SMARCC1: variants seen among roughly 807,000 people sequenced by gnomAD.
SMARCC1 encodes the protein SWI/SNF complex subunit SMARCC1.
Under a neutral mutation model 147.4 loss-of-function variants are expected in SMARCC1, and 43 were observed. The ratio of observed to expected loss-of-function variants is 0.29; its 90% confidence interval spans 0.23 to 0.38. SMARCC1 has a LOEUF of 0.38. SMARCC1 is among the 10% of genes least tolerant of loss of function. The pLI is 1.00. For missense variants in SMARCC1, 1,119 were observed against 1,381.1 expected, an observed-to-expected ratio of 0.81 and a Z score of 3.01; for synonymous variants, 495 against 484.4, an observed-to-expected ratio of 1.02 and a Z score of -0.29.
At chr3:47,612,346 T>G (rs2032575705) in intron 25 of SMARCC1, among the ~76,000 whole-genome samples, 1 of 152,182 alleles carries the variant, frequency 6.6e-6, no homozygotes, top group African/African-American at 2.4e-5. Context: ...CTCTTATCTG[T>G]TTTTGTTGAG....
At position 47,673,397 on chromosome 3, in the gene SMARCC1, G is replaced by GA. The variant is rs1275672994; in HGVS notation, c.1839+2077_1839+2078insT. 6.7e-4 allele frequency among the ~76,000 whole-genome samples: 88 copies of GA among 131,570 alleles called. 18 individuals carry two copies. The highest frequency in any genetic ancestry group is 1.2e-3 in the Non-Finnish European group (71 of 60,810). The allele number at this position is 131,570 out of a possible 152,430, so 86.3% of individuals were successfully genotyped here. A position where few individuals can be genotyped will look rare whatever the true frequency, so the allele number is the denominator to read the frequency against. On this transcript the variant is annotated intron_variant, in intron 18 of 27. Transcript: ENST00000254480. ...CGAGACTCTGTCTCAAAAAAAAAAG[G>GA]GTGGGGGGGGGGCAGGCCAGTGGCT...
At chr3:47,715,640 C>T (rs1389044182) in intron 7 of SMARCC1, among the ~76,000 whole-genome samples, 1 of 152,204 alleles carries the variant, frequency 6.6e-6, no homozygotes, top group Non-Finnish European at 1.5e-5. Context: ...CATCACTCTA[C>T]TGATCCAACA....
intron 18 of SMARCC1, among the ~76,000 whole-genome samples, chr3:47,675,208 T>G: frequency 6.6e-6 from 1 of 152,222 alleles, no homozygotes; most frequent in East Asian, 1.9e-4. Flanking sequence ...TCAAATAATT[T>G]CAAGTATACT....
chr3:47,590,618 G>C (rs762214886), intron 27 of SMARCC1, 43 bp downstream of exon 27: 3 of 1,464,722 alleles, frequency 2.0e-6, no homozygotes, highest in South Asian at 1.5e-5. Flanking sequence ...CAGCCCTCCA[G>C]AACGGACCCT....
chr3:47,680,295 T>C, intron 15 of SMARCC1, 142 bp downstream of exon 15: 1 of 680,994 alleles, frequency 1.5e-6, no homozygotes, highest in Non-Finnish European at 2.6e-6. Flanking sequence ...CATGGAATGC[T>C]ATGCAAATGA....
chr3:47,587,124 T>C lies in SMARCC1; in HGVS notation c.*1085A>G, dbSNP rs79407806. ...CCCATCCTAACCTTAAAAGTACCGG[T>C]TGACGAAATTCCACTCCCTGGCTAC... is the stretch of plus-strand genomic sequence containing the variant. On this transcript the variant is annotated 3_prime_UTR_variant, in exon 28 of 28. Coordinates refer to ENST00000254480, the MANE Select transcript of SMARCC1 (RefSeq NM_003074.4). The C allele has an allele frequency of 2.6e-5, 4 of 152,734 alleles. No individual in the cohort carries two copies. In the East Asian group the frequency reaches 5.8e-4, roughly 22 times the overall value. 9.5% of individuals were successfully genotyped at this position (152,734 alleles called of 1,614,324 possible).
chr3:47,737,852 CG>C, intron 4 of SMARCC1, among the ~76,000 whole-genome samples, 176 bp downstream of exon 4: 1 of 145,178 alleles, frequency 6.9e-6, no homozygotes, highest in South Asian at 2.2e-4. Context: ...TAAGTAGAGA[CG>C]GGGTTTCACC....
chr3:47,719,762 G>A (rs756963268), intron 7 of SMARCC1, among the ~76,000 whole-genome samples: 4 of 152,118 alleles, frequency 2.6e-5, no homozygotes, highest in African/African-American at 7.2e-5. Context: ...TGAAGACAGA[G>A]TGAGACTCTG....
At chr3:47,684,535 G>C (rs1253303001) in intron 14 of SMARCC1, among the ~76,000 whole-genome samples, 2 of 151,544 alleles carry the variant, frequency 1.3e-5, no homozygotes, top group Non-Finnish European at 2.9e-5. Context: ...CTGCCTCCTG[G>C]GTTCAAGCGA....
chr3:47,777,381 C>T (rs2034988503), intron 1 of SMARCC1, among the ~76,000 whole-genome samples: 1 of 151,304 alleles, frequency 6.6e-6, no homozygotes, highest in Non-Finnish European at 1.5e-5. Context: ...CCATGCCCGG[C>T]CTATATTTTT....
intron 25 of SMARCC1, among the ~76,000 whole-genome samples, chr3:47,619,841 T>A (rs2032701313): frequency 6.6e-6 from 1 of 152,168 alleles, no homozygotes; most frequent in Non-Finnish European, 1.5e-5. Context: ...TTCCTACTTT[T>A]GGGGCCAGCT....
chr3:47,630,032 T>C (rs1478826230), intron 24 of SMARCC1, among the ~76,000 whole-genome samples: 1 of 151,664 alleles, frequency 6.6e-6, no homozygotes. Context: ...ATATTGGCTT[T>C]ATAGAGCCTG....
chr3:47,647,584 G>T (rs2033134775), intron 21 of SMARCC1, among the ~76,000 whole-genome samples: 1 of 152,150 alleles, frequency 6.6e-6, no homozygotes, highest in African/African-American at 2.4e-5. Context: ...AGCATTTCGG[G>T]TTCTCCTGGA....
intron 18 of SMARCC1, 92 bp from the exon 19 acceptor site, chr3:47,670,809 T>G: frequency 1.3e-6 from 1 of 795,032 alleles, no homozygotes; most frequent in Non-Finnish European, 2.3e-6. Flanking sequence ...GGGACTGTGT[T>G]ACGCAAACTA....
chr3:47,744,197 A>C (rs917987482), intron 3 of SMARCC1, among the ~76,000 whole-genome samples: 2 of 152,154 alleles, frequency 1.3e-5, no homozygotes, highest in Non-Finnish European at 2.9e-5. Flanking sequence ...GCAGGAGTGC[A>C]GTGGCGCAAT....
intron 7 of SMARCC1, among the ~76,000 whole-genome samples, chr3:47,716,113 G>A (rs1200199808): frequency 6.6e-6 from 1 of 151,324 alleles, no homozygotes; most frequent in Admixed American, 6.6e-5. Context: ...TCAGAGGTCA[G>A]TTCAAAAGAA....
chr3:47,615,427 A>G (rs1474013389), intron 25 of SMARCC1, among the ~76,000 whole-genome samples: 1 of 152,144 alleles, frequency 6.6e-6, no homozygotes, highest in Non-Finnish European at 1.5e-5. Flanking sequence ...CATTCTTTTC[A>G]TATTTCAAGA....
intron 25 of SMARCC1, among the ~76,000 whole-genome samples, chr3:47,616,024 CAG>C (rs1215323980): frequency 6.6e-6 from 1 of 152,214 alleles, no homozygotes; most frequent in Non-Finnish European, 1.5e-5. Flanking sequence ...AAATGAACTT[CAG>C]AGAGACAGAC....
chr3:47,697,497 T>A (rs1311828344), intron 11 of SMARCC1, among the ~76,000 whole-genome samples: 1 of 151,412 alleles, frequency 6.6e-6, no homozygotes, highest in Non-Finnish European at 1.5e-5. Flanking sequence ...AGCTCTGGTT[T>A]CAACTTGTTG....
Sources: allele counts gnomAD v4.1 joint callset (sites outside exome capture counted in the v4.1 genomes callset), GRCh38; gene constraint gnomAD v4.1.1; transcripts MANE v1.5; gene names NCBI Gene and HGNC (gene_info 2026-07-23, HGNC 2026-07-21).